Variants in CMIP observed in about 807,000 individuals in gnomAD.
The protein encoded by CMIP is C-Maf-inducing protein.
CMIP carries 13 observed loss-of-function variants against 97.3 expected under a neutral mutation model. The observed-to-expected ratio is 0.13, with a 90% CI of 0.09 to 0.21. The LOEUF (loss-of-function observed/expected upper bound fraction) is 0.21, where lower values mean the gene tolerates loss of function less well. CMIP is among the 10% of genes least tolerant of loss of function. The pLI is 1.00. For missense variants in CMIP, 847 were observed against 1,024.9 expected (o/e 0.83, Z 2.37); for synonymous variants, 538 against 436.3 (o/e 1.23, Z -2.91).
At chr16:81,450,087 TGA>T (rs1313241425) in intron 1 of CMIP, among the ~76,000 whole-genome samples, 2 of 152,138 alleles carry the variant, frequency 1.3e-5, no homozygotes, top group Non-Finnish European at 2.9e-5. Flanking sequence ...CATCGGGCAG[TGA>T]GAGGGCATTT....
At chr16:81,450,823 G>A (rs895295005) in intron 1 of CMIP, among the ~76,000 whole-genome samples, 1 of 152,200 alleles carries the variant, frequency 6.6e-6, no homozygotes, top group Non-Finnish European at 1.5e-5. Context: ...ATAACAAGGT[G>A]TTTAATGAAA....
At chr16:81,510,636 C>T (rs1275691539) in intron 1 of CMIP, among the ~76,000 whole-genome samples, 1 of 152,174 alleles carries the variant, frequency 6.6e-6, no homozygotes, top group African/African-American at 2.4e-5. Context: ...TTCTCAGATA[C>T]TGTGATGGAC....
chr16:81,479,175 C>G (rs910440557), intron 1 of CMIP, among the ~76,000 whole-genome samples: 4 of 152,136 alleles, frequency 2.6e-5, no homozygotes, highest in African/African-American at 9.7e-5. Context: ...AAAACACATG[C>G]GTAGCCTCCA....
intron 1 of CMIP, among the ~76,000 whole-genome samples, chr16:81,590,648 G>T (rs75358222): frequency 0.018 from 2,734 of 152,298 alleles, 43 homozygotes; most frequent in Non-Finnish European, 0.028. Flanking sequence ...TTGGGTTAAG[G>T]CCAGTTCCTA....
At chr16:81,550,890 A>ACACCCCAGTTCCGTCACACG (rs1567573996) in intron 1 of CMIP, among the ~76,000 whole-genome samples, 1 of 142,792 alleles carries the variant, frequency 7.0e-6, no homozygotes, top group African/African-American at 2.7e-5. Context: ...TCCATCACAC[A>ACACCCCAGTTCCGTCACACG]CACCCCAGTT....
chr16:81,667,804 G>GAC (rs2092625122), intron 7 of CMIP, among the ~76,000 whole-genome samples: 1 of 111,456 alleles, frequency 9.0e-6, no homozygotes, highest in African/African-American at 4.4e-5. Flanking sequence ...GAGAGAGTGT[G>GAC]TGTGTGTGTG....
intron 3 of CMIP, chr16:81,631,555 G>A (rs1334288135): frequency 6.6e-6 from 1 of 152,278 alleles, no homozygotes; most frequent in Non-Finnish European, 1.5e-5. Flanking sequence ...CAGCACAGGT[G>A]AGCTTTGCAT....
chr16:81,678,637 C>T lies in CMIP; in HGVS notation c.1388+9C>T, dbSNP rs543377252. ...GAAATCCTCAAGCTGCTGTGAGTGC[C>T]CCCCCCGCGTGCCCGCCCCCGGGGC... On this transcript the variant is annotated intron_variant, in intron 10 of 20. Coordinates refer to ENST00000537098, the MANE Select transcript of CMIP (RefSeq NM_198390.3). The T allele has an allele frequency of 9.9e-6, 14 of 1,416,890 alleles. No homozygotes were observed. The African/African-American group carries it at 1.6e-4, about 16-fold the overall frequency. 87.8% of individuals were successfully genotyped at this position (1,416,890 alleles called of 1,614,324 possible). A position where few individuals can be genotyped will look rare whatever the true frequency, so the allele number is the denominator to read the frequency against.
At chr16:81,492,539 G>A (rs2089421808) in intron 1 of CMIP, among the ~76,000 whole-genome samples, 1 of 152,126 alleles carries the variant, frequency 6.6e-6, no homozygotes, top group Non-Finnish European at 1.5e-5. Context: ...CATCGCGGTG[G>A]CCGGGAGCGA....
intron 1 of CMIP, chr16:81,476,414 A>G (rs1907921772): frequency 2.9e-6 from 3 of 1,047,930 alleles, no homozygotes; most frequent in Admixed American, 1.7e-5. Flanking sequence ...AGAGCGTGAA[A>G]GTTTTCTGCT....
chr16:81,592,173 C>G (rs1034605877), intron 1 of CMIP, among the ~76,000 whole-genome samples: 1 of 152,090 alleles, frequency 6.6e-6, no homozygotes, highest in Non-Finnish European at 1.5e-5. Flanking sequence ...CTGTTTACAT[C>G]TTAATTTTTT....
chr16:81,687,623 C>T (rs1459893595), intron 10 of CMIP, among the ~76,000 whole-genome samples: 1 of 152,146 alleles, frequency 6.6e-6, no homozygotes, highest in Non-Finnish European at 1.5e-5. Flanking sequence ...AGCTCTGAGC[C>T]TCATTTTCCT....
At chr16:81,626,216 C>T (rs559344036) in intron 3 of CMIP, among the ~76,000 whole-genome samples, 23 of 82,878 alleles carry the variant, frequency 2.8e-4, no homozygotes, top group Middle Eastern at 7.6e-3. Context: ...AGTGTGTGTG[C>T]GCGTGAGAAT....
At chr16:81,611,894 T>G (rs2091837978) in intron 2 of CMIP, among the ~76,000 whole-genome samples, 1 of 152,228 alleles carries the variant, frequency 6.6e-6, no homozygotes, top group Admixed American at 6.5e-5. Flanking sequence ...GACAGAGCAA[T>G]CTACCAGCAG....
intron 1 of CMIP, among the ~76,000 whole-genome samples, chr16:81,458,566 T>G (rs1253364103): frequency 6.6e-6 from 1 of 152,172 alleles, no homozygotes; most frequent in East Asian, 1.9e-4. Flanking sequence ...TTGAAGGGGA[T>G]CAGGAAGGAG....
chr16:81,680,067 AG>A (rs1904715499), intron 10 of CMIP, among the ~76,000 whole-genome samples: 1 of 151,976 alleles, frequency 6.6e-6, no homozygotes, highest in Admixed American at 6.6e-5. Context: ...GACCTTTCGG[AG>A]GGGTTCGGGG....
intron 1 of CMIP, among the ~76,000 whole-genome samples, chr16:81,595,705 G>C (rs555572753): frequency 1.3e-5 from 2 of 152,150 alleles, no homozygotes; most frequent in African/African-American, 4.8e-5. Context: ...ATACTTTCAA[G>C]GTTCATCCAT....
intron 1 of CMIP, among the ~76,000 whole-genome samples, chr16:81,484,258 C>CAGCAGCTGGGTGGAGTTCCACTT (rs1416937997): frequency 2.0e-5 from 3 of 152,222 alleles, no homozygotes; most frequent in Non-Finnish European, 4.4e-5. Flanking sequence ...GAAAAGGCCA[C>CAGCAGCTGGGTGGAGTTCCACTT]AGCAGCTGGG....
intron 1 of CMIP, among the ~76,000 whole-genome samples, chr16:81,488,620 G>T (rs2089357673): frequency 6.6e-6 from 1 of 152,034 alleles, no homozygotes; most frequent in South Asian, 2.1e-4. Flanking sequence ...TCCCCTCTCT[G>T]TGTGCCCCTT....
Sources: gnomAD v4.1 joint callset for allele counts (sites outside exome capture counted in the v4.1 genomes callset) on GRCh38, gnomAD v4.1.1 for gene constraint, MANE v1.5 for transcripts, NCBI Gene and HGNC (gene_info 2026-07-23, HGNC 2026-07-21) for gene names.